The following SHISA9 variants were observed in gnomAD, a reference collection of about 807,000 sequenced individuals.
SHISA9 encodes protein shisa-9.
A neutral mutation model predicts 38.0 loss-of-function variants in SHISA9; 13 were observed. The ratio of observed to expected loss-of-function variants is 0.34; its 90% CI spans 0.22 to 0.54. The LOEUF (loss-of-function observed/expected upper bound fraction) is 0.54, where lower values mean the gene tolerates loss of function less well. Ranked by LOEUF, SHISA9 falls within the 20% of genes least tolerant of loss-of-function variation. The probability of loss-of-function intolerance (pLI) is 0.91; values close to 1 mark genes in which losing one functional copy is unlikely to be tolerated. For missense variants in SHISA9, 538 were observed against 575.8 expected (o/e 0.93, Z 0.67); for synonymous variants, 275 against 242.0 (o/e 1.14, Z -1.27).
chr16:13,011,226 G>A (rs1245652080), intron 2 of SHISA9, among the ~76,000 whole-genome samples: 2 of 151,370 alleles, frequency 1.3e-5, no homozygotes, highest in Admixed American at 1.3e-4. Flanking sequence ...TATATTTAAG[G>A]TATACAACAT....
intron 2 of SHISA9, among the ~76,000 whole-genome samples, chr16:12,965,566 C>G (rs1335306075): frequency 6.6e-6 from 1 of 152,140 alleles, no homozygotes; most frequent in African/African-American, 2.4e-5. Flanking sequence ...ATTACTCAGG[C>G]AAAAAATTAA....
At chr16:13,312,910 T>C in the SHISA9 span, among the ~76,000 whole-genome samples, 4 of 151,680 alleles carry the variant, frequency 2.6e-5, no homozygotes, top group African/African-American at 9.7e-5. Context: ...CTAACAGAAG[T>C]TGAGAAGTGT....
At chr16:12,999,896 A>G (rs1225069689) in intron 2 of SHISA9, among the ~76,000 whole-genome samples, 2 of 152,194 alleles carry the variant, frequency 1.3e-5, no homozygotes, top group Non-Finnish European at 2.9e-5. Flanking sequence ...AACTAGTCAC[A>G]TGGCCACACA....
chr16:13,437,444 T>C, the SHISA9 span, among the ~76,000 whole-genome samples: 1 of 152,174 alleles, frequency 6.6e-6, no homozygotes, highest in African/African-American at 2.4e-5. Context: ...ACATTATCAA[T>C]ATTCCAATTT....
chr16:13,412,500 A>G, the SHISA9 span, among the ~76,000 whole-genome samples: 1 of 151,392 alleles, frequency 6.6e-6, no homozygotes, highest in African/African-American at 2.4e-5. Context: ...TCTTTCCCTA[A>G]TAACCACTGT....
chr16:13,191,386 C>G (rs144533978), intron 2 of SHISA9, among the ~76,000 whole-genome samples: 1 of 152,198 alleles, frequency 6.6e-6, no homozygotes, highest in Non-Finnish European at 1.5e-5. Flanking sequence ...AACCTAACAT[C>G]CTCTTTTCCT....
At chr16:13,067,868 C>T (rs1268383587) in intron 2 of SHISA9, among the ~76,000 whole-genome samples, 2 of 152,222 alleles carry the variant, frequency 1.3e-5, no homozygotes, top group Non-Finnish European at 2.9e-5. Flanking sequence ...ACTCTCCTGT[C>T]CTCCCACTGA....
intron 2 of SHISA9, among the ~76,000 whole-genome samples, chr16:12,924,709 T>C (rs566624942): frequency 2.0e-5 from 3 of 152,170 alleles, no homozygotes; most frequent in Non-Finnish European, 4.4e-5. Context: ...AAGAAATTGG[T>C]TTTTCTCTTG....
At chr16:13,370,781 C>A in the SHISA9 span, among the ~76,000 whole-genome samples, 1 of 151,824 alleles carries the variant, frequency 6.6e-6, no homozygotes, top group Non-Finnish European at 1.5e-5. Flanking sequence ...ATATTAGAAG[C>A]CAAATTAGTA....
At chr16:13,363,071 GA>G in the SHISA9 span, among the ~76,000 whole-genome samples, 1 of 152,192 alleles carries the variant, frequency 6.6e-6, no homozygotes, top group Non-Finnish European at 1.5e-5. Context: ...TCGACCATGT[GA>G]TCTACTCTCT....
the SHISA9 span, among the ~76,000 whole-genome samples, chr16:13,269,339 A>G: frequency 6.6e-6 from 1 of 152,234 alleles, no homozygotes; most frequent in African/African-American, 2.4e-5. Flanking sequence ...TACTTTCTGC[A>G]TATGTAAAAT....
the SHISA9 span, among the ~76,000 whole-genome samples, chr16:13,276,564 C>T: frequency 3.1e-3 from 467 of 152,204 alleles, 4 homozygotes; most frequent in South Asian, 0.029. Context: ...TTCACCATAT[C>T]CATGCCAACA....
chr16:13,368,353 T>G, the SHISA9 span, among the ~76,000 whole-genome samples: 6 of 152,132 alleles, frequency 3.9e-5, no homozygotes, highest in Non-Finnish European at 5.9e-5. Context: ...CAGACTAACC[T>G]TACATGTTCT....
intron 2 of SHISA9, among the ~76,000 whole-genome samples, chr16:12,946,943 C>T (rs551465376): frequency 1.3e-5 from 2 of 152,234 alleles, no homozygotes; most frequent in Non-Finnish European, 2.9e-5. Context: ...TTGTCCATGG[C>T]TTTTTCTGCT....
chr16:13,037,426 T>C (rs890290178), intron 2 of SHISA9, among the ~76,000 whole-genome samples: 1 of 152,006 alleles, frequency 6.6e-6, no homozygotes, highest in Admixed American at 6.6e-5. Context: ...TCAGCAGCGA[T>C]GGTTTTGCAC....
At chr16:13,318,971 C>T in the SHISA9 span, among the ~76,000 whole-genome samples, 2 of 152,214 alleles carry the variant, frequency 1.3e-5, no homozygotes, top group African/African-American at 4.8e-5. Flanking sequence ...CATTTGGACT[C>T]AGGTGGTCCC....
At chr16:13,416,367 C>A in the SHISA9 span, among the ~76,000 whole-genome samples, 3 of 152,142 alleles carry the variant, frequency 2.0e-5, no homozygotes, top group Admixed American at 1.3e-4. Flanking sequence ...AATTATCTTA[C>A]CCCTGACCAT....
chr16:13,153,753 G>A (rs760938843), intron 2 of SHISA9, among the ~76,000 whole-genome samples: 32 of 152,110 alleles, frequency 2.1e-4, no homozygotes, highest in Non-Finnish European at 3.4e-4. Flanking sequence ...CTTGATGATC[G>A]CTCATTTTGA....
intron 2 of SHISA9, among the ~76,000 whole-genome samples, chr16:13,202,722 G>A (rs988080069): frequency 6.6e-6 from 1 of 152,016 alleles, no homozygotes; most frequent in Non-Finnish European, 1.5e-5. Flanking sequence ...ATATTGATAT[G>A]AGCTCAGATT....
Sources: gnomAD v4.1 joint callset for allele counts (sites outside exome capture counted in the v4.1 genomes callset) on GRCh38, gnomAD v4.1.1 for gene constraint, MANE v1.5 for transcripts, NCBI Gene and HGNC (gene_info 2026-07-23, HGNC 2026-07-21) for gene names.